Variants in ZDHHC14 observed in about 807,000 individuals in gnomAD.
ZDHHC14 encodes the protein palmitoyltransferase ZDHHC14.
Under a neutral mutation model 47.7 loss-of-function variants are expected in ZDHHC14, and 16 were observed. That is an observed-to-expected ratio of 0.34 (90% confidence interval 0.23 to 0.51). The LOEUF is 0.51. Among genes scored for constraint, ZDHHC14 ranks in the 20% least tolerant of loss-of-function variants. ZDHHC14 has a pLI of 0.97. For missense variants in ZDHHC14, 515 were observed against 662.5 expected, an observed-to-expected ratio of 0.78 and a Z score of 2.44; for synonymous variants, 293 against 278.9, an observed-to-expected ratio of 1.05 and a Z score of -0.50.
chr6:157,465,178 A>C (rs1438012831), intron 1 of ZDHHC14, among the ~76,000 whole-genome samples: 1 of 137,530 alleles, frequency 7.3e-6, no homozygotes. Context: ...AAAAAGATTT[A>C]ATTTTCTTTT....
At chr6:157,439,672 G>A (rs1424758581) in intron 1 of ZDHHC14, among the ~76,000 whole-genome samples, 22 of 152,024 alleles carry the variant, frequency 1.4e-4, no homozygotes, top group Admixed American at 1.4e-3. Flanking sequence ...TATACCCAAA[G>A]GAATATAAAT....
chr6:157,455,520 G>T (rs1203799220), intron 1 of ZDHHC14, among the ~76,000 whole-genome samples: 1 of 152,200 alleles, frequency 6.6e-6, no homozygotes, highest in Non-Finnish European at 1.5e-5. Context: ...TTTTCTCCAG[G>T]TCTTTCTTAA....
At chr6:157,409,559 G>A (rs1777832180) in intron 1 of ZDHHC14, among the ~76,000 whole-genome samples, 1 of 152,174 alleles carries the variant, frequency 6.6e-6, no homozygotes, top group African/African-American at 2.4e-5. Context: ...GAGCACCAAC[G>A]GTAAGTCAAG....
chr6:157,559,595 G>A (rs1408547320), intron 2 of ZDHHC14, among the ~76,000 whole-genome samples: 8 of 152,206 alleles, frequency 5.3e-5, no homozygotes, highest in Admixed American at 3.3e-4. Flanking sequence ...ATAACAGCAT[G>A]CTCATGTTTC....
intron 2 of ZDHHC14, among the ~76,000 whole-genome samples, chr6:157,568,989 C>T (rs144839062): frequency 0.039 from 5,851 of 151,970 alleles, 373 homozygotes; most frequent in African/African-American, 0.13. Context: ...AAAGATACTA[C>T]CCTTTGTTAT....
At chr6:157,627,769 A>C (rs943871143) in intron 3 of ZDHHC14, among the ~76,000 whole-genome samples, 4 of 152,238 alleles carry the variant, frequency 2.6e-5, no homozygotes, top group Admixed American at 2.6e-4. Context: ...CATCTGTAAA[A>C]TAGGGTAACA....
intron 2 of ZDHHC14, chr6:157,592,770 G>A (rs1783963191): frequency 1.5e-6 from 2 of 1,360,074 alleles, no homozygotes; most frequent in South Asian, 4.0e-5. Context: ...CCATTGGCCA[G>A]AGCTCAGTCA....
intron 5 of ZDHHC14, among the ~76,000 whole-genome samples, chr6:157,642,559 A>G (rs1170605432): frequency 2.0e-5 from 3 of 152,168 alleles, no homozygotes. Flanking sequence ...TCTGGCCACA[A>G]CGGGGACAAA....
intron 8 of ZDHHC14, among the ~76,000 whole-genome samples, chr6:157,669,178 G>A (rs921421454): frequency 1.3e-5 from 2 of 152,298 alleles, no homozygotes; most frequent in Non-Finnish European, 1.5e-5. Context: ...GAGCTTAACC[G>A]ACCACTGCCG....
chr6:157,495,101 A>G (rs1780026492), intron 1 of ZDHHC14, among the ~76,000 whole-genome samples: 1 of 152,134 alleles, frequency 6.6e-6, no homozygotes, highest in Non-Finnish European at 1.5e-5. Flanking sequence ...TGGATGCAGA[A>G]AAGTATACCC....
At chr6:157,652,760 G>A (rs193083993) in intron 7 of ZDHHC14, among the ~76,000 whole-genome samples, 4 of 152,304 alleles carry the variant, frequency 2.6e-5, no homozygotes, top group African/African-American at 7.2e-5. Flanking sequence ...TGCCCTCCAC[G>A]CTCTGTGACA....
At position 157,669,730 on chromosome 6, in the gene ZDHHC14, C is replaced by T. The variant is rs184388393; in HGVS notation, c.1069-2994C>T. Among the ~76,000 whole-genome samples the T allele has an allele frequency of 1.6e-3, 245 of 152,322 alleles. 3 individuals carry two copies. Among genetic ancestry groups the T allele is most frequent in the Admixed American group, 0.012 (186 of 15,308 alleles). The stretch of plus-strand genomic sequence containing the variant: ...GAAAGCATTAGGATGAGTGAGGGCT[C>T]CAGAGGGGAAGCTTGAAAACAAGAT... On this transcript the variant is annotated intron_variant, in intron 8 of 8. Transcript: ENST00000359775.
At chr6:157,467,066 C>T (rs923720184) in intron 1 of ZDHHC14, among the ~76,000 whole-genome samples, 5 of 152,038 alleles carry the variant, frequency 3.3e-5, no homozygotes, top group African/African-American at 9.7e-5. Context: ...GGCATGTTCC[C>T]ATCTCTAATT....
chr6:157,631,686 A>G (rs992891229), intron 4 of ZDHHC14: 1 of 152,176 alleles, frequency 6.6e-6, no homozygotes, highest in African/African-American at 2.4e-5. Flanking sequence ...TTCCTTGGAG[A>G]GGAAGGAGGG....
chr6:157,466,136 T>C (rs1377778836), intron 1 of ZDHHC14, among the ~76,000 whole-genome samples: 1 of 152,188 alleles, frequency 6.6e-6, no homozygotes, highest in Non-Finnish European at 1.5e-5. Flanking sequence ...GGCCTGATCC[T>C]CAGCTGCCTC....
chr6:157,475,499 G>T (rs1779459793), intron 1 of ZDHHC14, among the ~76,000 whole-genome samples: 1 of 151,764 alleles, frequency 6.6e-6, no homozygotes, highest in Admixed American at 6.6e-5. Flanking sequence ...CATGAACATG[G>T]GATATTTTTA....
intron 1 of ZDHHC14, among the ~76,000 whole-genome samples, chr6:157,399,962 C>A (rs1777596549): frequency 6.6e-6 from 1 of 152,196 alleles, no homozygotes; most frequent in East Asian, 1.9e-4. Flanking sequence ...GGATTAAAAC[C>A]TTTCAAAAGC....
chr6:157,410,492 A>C (rs1222362912), intron 1 of ZDHHC14, among the ~76,000 whole-genome samples: 4 of 152,238 alleles, frequency 2.6e-5, no homozygotes, highest in African/African-American at 9.6e-5. Flanking sequence ...AATTTTGAAA[A>C]CAACAAGAAC....
chr6:157,617,099 G>A (rs555134251), intron 3 of ZDHHC14, among the ~76,000 whole-genome samples: 128 of 152,298 alleles, frequency 8.4e-4, no homozygotes, highest in Non-Finnish European at 1.7e-3. Context: ...AGCATATACA[G>A]GGGAACACCT....
Sources: allele counts gnomAD v4.1 joint callset (sites outside exome capture counted in the v4.1 genomes callset), GRCh38; gene constraint gnomAD v4.1.1; transcripts MANE v1.5; gene names NCBI Gene and HGNC (gene_info 2026-07-23, HGNC 2026-07-21).